Variants in TONSL observed in about 807,000 individuals in gnomAD.
The protein encoded by TONSL is tonsoku like, DNA repair protein, also known as tonsoku-like protein.
Under a neutral mutation model 147.1 loss-of-function variants are expected in TONSL, and 112 were observed. The ratio of observed to expected loss-of-function variants is 0.76; its 90% CI spans 0.65 to 0.89. The LOEUF (loss-of-function observed/expected upper bound fraction) is 0.89, where lower values mean the gene tolerates loss of function less well. TONSL is among the 40% of genes least tolerant of loss of function. The pLI is 0.00. For missense variants in TONSL, 1,883 were observed against 1,864.6 expected (o/e 1.01, Z -0.18); for synonymous variants, 868 against 801.5 (o/e 1.08, Z -1.40).
intron 11 of TONSL, chr8:144,439,720 C>T (rs913357802): frequency 4.5e-6 from 2 of 446,502 alleles, no homozygotes; most frequent in Non-Finnish European, 4.0e-6. Flanking sequence ...GCAGCCGGGG[C>T]TCTTCAAAGT....
rs1823656090 is a variant in TONSL, at chr8:144,440,202, G to A, written c.1299C>T (p.Val433=). 1 of 1,595,218 alleles carries A rather than the reference G, an allele frequency of 6.3e-7. No homozygotes were observed. The highest frequency in any genetic ancestry group is 1.1e-5 in the South Asian group (1 of 89,510). The change falls in exon 11 of 26, where the codon GTC becomes GTT. Residue 433 remains valine, a synonymous_variant. Transcript: ENST00000409379. ...GCTGCACGGTATGGAGATGCTGCAA[G>A]ACCTGCCTCTGAGGAGCAGAGGGAT... ...QAQRPQLQRQ[V]LQHLHTVQLR...
At chr8:144,442,201 T>C in intron 6 of TONSL, 40 bp downstream of exon 6, 1 of 1,592,798 alleles carries the variant, frequency 6.3e-7, no homozygotes, top group Non-Finnish European at 8.6e-7. Flanking sequence ...AAGGCCCGAA[T>C]CTACGAGAGC....
intron 5 of TONSL, 64 bp from the exon 6 acceptor site, chr8:144,442,476 G>T: frequency 6.7e-7 from 1 of 1,502,448 alleles, no homozygotes; most frequent in South Asian, 1.3e-5. Context: ...ATGCCACACG[G>T]GCCCCAGCCC....
At chr8:144,430,366 C>T (rs1586678959) in intron 25 of TONSL, 38 bp downstream of exon 25, 3 of 1,530,306 alleles carry the variant, frequency 2.0e-6, no homozygotes, top group African/African-American at 2.8e-5. Context: ...CCTGAAAAGG[C>T]CGAACATGGC....
chr8:144,439,884 G>C (rs1282689035), intron 11 of TONSL, 137 bp downstream of exon 11: 14 of 590,252 alleles, frequency 2.4e-5, no homozygotes, highest in Non-Finnish European at 3.9e-5. Context: ...TCCAGTTCCG[G>C]GAAAGCACTG....
intron 14 of TONSL, 43 bp downstream of exon 14, chr8:144,436,984 G>A (rs749296928): frequency 6.8e-6 from 11 of 1,612,762 alleles, no homozygotes; most frequent in Admixed American, 5.0e-5. Context: ...TTCGCCCCAC[G>A]TGTCCACCAA....
chr8:144,437,100 C>T lies in TONSL; in HGVS notation c.1654-1G>A. On this transcript the variant is annotated splice_acceptor_variant, in intron 13 of 25. Coordinates refer to ENST00000409379, the MANE Select transcript of TONSL (RefSeq NM_013432.5). LOFTEE classifies it high-confidence loss of function. ...AGTCCCGAGGGTTAAGGGGGTGGCCCTGTGACCAAGGACAGGAAGGAGCCT... is the reference window on the plus strand; with the variant it reads ...AGTCCCGAGGGTTAAGGGGGTGGCCTTGTGACCAAGGACAGGAAGGAGCCT... 1 of 1,612,674 alleles carries T rather than the reference C, an allele frequency of 6.2e-7. No individual in the cohort carries two copies. The highest frequency in any genetic ancestry group is 8.5e-7 in the Non-Finnish European group (1 of 1,179,842).
rs781816754 is a variant in TONSL at position 144,434,124 on chromosome 8, G to A, written c.3241C>T (p.Arg1081Trp). ...TCAGCCACACACTTGTCCCCCAGCC[G>A]GTTCCCTGCCAGGCGCAGCTCCCGG... ...ALRELRLAGN[R>W]LGDKCVAELV... is the part of the protein sequence containing the mutation. The change falls in exon 21 of 26, where the codon CGG (arginine) becomes TGG (tryptophan). Residue 1081 changes from arginine to tryptophan, a missense_variant. Transcript: ENST00000409379. The A allele has an allele frequency of 8.7e-6, 14 of 1,612,030 alleles. No homozygotes were observed. The highest frequency in any genetic ancestry group is 1.1e-5 in the Non-Finnish European group (13 of 1,179,506).
At chr8:144,444,098 G>A (rs1209669029) in intron 2 of TONSL, 74 bp from the exon 3 acceptor site, 8 of 1,323,144 alleles carry the variant, frequency 6.0e-6, no homozygotes, top group African/African-American at 4.6e-5. Context: ...TCTGCCGGAA[G>A]AGCCCGTCGC....
intron 11 of TONSL, chr8:144,439,766 C>T (rs1200799997): frequency 1.9e-6 from 1 of 519,520 alleles, no homozygotes; most frequent in Non-Finnish European, 3.4e-6. Context: ...TGGCACGTGC[C>T]TCTCTAACGG....
At chr8:144,440,937 T>G in intron 8 of TONSL, 29 bp downstream of exon 8, 1 of 1,612,832 alleles carries the variant, frequency 6.2e-7, no homozygotes, top group Non-Finnish European at 8.5e-7. Context: ...TCACTGGCCC[T>G]TCCCTCCCAC....
chr8:144,438,840 A>C (rs1319535180), intron 11 of TONSL, 105 bp from the exon 12 acceptor site: 27 of 1,222,626 alleles, frequency 2.2e-5, no homozygotes, highest in Admixed American at 2.2e-4. Flanking sequence ...AAGGAGCCAG[A>C]GACGGGAGGG....
Position 144,444,349 on chromosome 8 carries a change from G to A in TONSL, c.25+41C>T, listed in dbSNP as rs1399947517. ...GGGGCCGAGTCCCAAGCCCTCCCCA[G>A]CCTCCGCGCCCCCGGAGGAAGGGGT... is the stretch of plus-strand genomic sequence containing the variant. On this transcript the variant is annotated intron_variant, in intron 1 of 25. Coordinates refer to ENST00000409379, the MANE Select transcript of TONSL (RefSeq NM_013432.5). The A allele has an allele frequency of 7.0e-6, 9 of 1,290,588 alleles. No homozygotes were observed. The Admixed American group carries it at 3.7e-4, about 53-fold the overall frequency. The allele number at this position is 1,290,588 out of a possible 1,614,324, so 79.9% of individuals were successfully genotyped here.
chr8:144,437,276 CCT>C (rs971032587), intron 13 of TONSL, among the ~76,000 whole-genome samples, 177 bp from the exon 14 acceptor site: 5 of 152,240 alleles, frequency 3.3e-5, no homozygotes, highest in African/African-American at 9.6e-5. Context: ...CATGCTTCCC[CCT>C]GAGACAGGTG....
rs1564734477 is a variant in TONSL, at chr8:144,442,422, G to A, written c.579-10C>T. On this transcript the variant is annotated splice_polypyrimidine_tract_variant and intron_variant, in intron 5 of 25. Transcript: ENST00000409379. Reference sequence around the variant, plus strand: ...GTAAAGGTGGTTCTGCCTGCAGAGGGGTGACGACCACTGAGCACCCAGGAG... The same window carrying A: ...GTAAAGGTGGTTCTGCCTGCAGAGGAGTGACGACCACTGAGCACCCAGGAG... 2.0e-6 allele frequency: 3 copies of A among 1,530,296 alleles called. No individual in the cohort carries two copies. The highest frequency in any genetic ancestry group is 2.6e-6 in the Non-Finnish European group (3 of 1,138,624). 94.8% of individuals were successfully genotyped at this position (1,530,296 alleles called of 1,614,324 possible).
At position 144,439,085 on chromosome 8, in the gene TONSL, G is replaced by A. The variant is rs1211995930; in HGVS notation, c.1481-350C>T. ...ATCCCCACGCCCAGACCGGCTCGTGGGCCAGTCTTCCTCCACCCCACGCCT... is the reference window on the plus strand; with the variant it reads ...ATCCCCACGCCCAGACCGGCTCGTGAGCCAGTCTTCCTCCACCCCACGCCT... On this transcript the variant is annotated intron_variant, in intron 11 of 25. Coordinates refer to ENST00000409379, the MANE Select transcript of TONSL (RefSeq NM_013432.5). Among the ~76,000 whole-genome samples the A allele has an allele frequency of 3.9e-5, 6 of 151,960 alleles. No individual in the cohort carries two copies. In the East Asian group the frequency reaches 9.7e-4, roughly 24 times the overall value.
rs1347102943 is a variant in TONSL at position 144,440,166 on chromosome 8, C to T, written c.1335G>A (p.Gln445=). ...QHLHTVQLRL[Q]PQEAPETETR... is the part of the protein sequence containing the mutation. ...TTTCGGTCTCAGGGGCCTCCTGGGG[C>T]TGCAGCCTCAGCTGCACGGTATGGA... Residue 445 remains glutamine, a synonymous_variant, in exon 11 of 26, where the codon CAG becomes CAA. Transcript: ENST00000409379. The T allele has an allele frequency of 2.5e-6, 4 of 1,610,938 alleles. No homozygotes were observed. The highest frequency in any genetic ancestry group is 4.5e-5 in the East Asian group (2 of 44,840).
intron 12 of TONSL, 36 bp from the exon 13 acceptor site, chr8:144,438,596 G>A (rs374841333): frequency 2.8e-5 from 45 of 1,612,136 alleles, no homozygotes; most frequent in Admixed American, 1.3e-4. Context: ...GGGCAGGGGC[G>A]TGAGGAGCTG....
At position 144,430,386 on chromosome 8, in the gene TONSL, C is replaced by A. The variant is rs1823135511; in HGVS notation, c.3943+18G>T. On this transcript the variant is annotated intron_variant, in intron 25 of 25. Coordinates refer to ENST00000409379, the MANE Select transcript of TONSL (RefSeq NM_013432.5). ...AAAGGCCGAACATGGCAGGCGTGGC[C>A]ACCATACCAGCACTCACCTGACAGG... is the stretch of plus-strand genomic sequence containing the variant. The A allele has an allele frequency of 1.9e-6, 3 of 1,579,256 alleles. No individual in the cohort carries two copies. The South Asian group carries it at 3.5e-5, about 18-fold the overall frequency.
Sources: allele counts gnomAD v4.1 joint callset (sites outside exome capture counted in the v4.1 genomes callset), GRCh38; gene constraint gnomAD v4.1.1; transcripts MANE v1.5; gene names NCBI Gene and HGNC (gene_info 2026-07-23, HGNC 2026-07-21).